The following PSMD7 variants were observed in gnomAD, a reference collection of about 807,000 sequenced individuals.
PSMD7 encodes the protein proteasome 26S subunit, non-ATPase 7.
PSMD7 carries 13 observed loss-of-function variants against 36.4 expected under a neutral mutation model. That is an observed-to-expected ratio of 0.36 (90% CI 0.23 to 0.57). The LOEUF (loss-of-function observed/expected upper bound fraction) is 0.57. Among genes scored for constraint, PSMD7 ranks in the 20% least tolerant of loss-of-function variants. PSMD7 has a pLI of 0.83. For synonymous variants in PSMD7, 186 were observed against 151.0 expected, an observed-to-expected ratio of 1.23 and a Z score of -1.70; for missense variants, 298 against 393.6, an observed-to-expected ratio of 0.76 and a Z score of 2.06.
intron 1 of PSMD7, among the ~76,000 whole-genome samples, chr16:74,298,414 C>T (rs748626060): frequency 6.6e-6 from 1 of 152,124 alleles, no homozygotes; most frequent in Non-Finnish European, 1.5e-5. Context: ...TCCATTCTCC[C>T]GCAACTTGCT....
rs1345126852 is a variant in PSMD7, at chr16:74,306,003, C to A, written c.*270C>A. ...TATGAGAAAAATGAAGAGAAGTCAA[C>A]AAATATTTTGGTACTCTTCATTCAT... is the stretch of plus-strand genomic sequence containing the variant. On this transcript the variant is annotated 3_prime_UTR_variant, in exon 7 of 7. Coordinates refer to ENST00000219313, the MANE Select transcript of PSMD7 (RefSeq NM_002811.5). The A allele has an allele frequency of 3.4e-6, 1 of 292,378 alleles. No individual in the cohort carries two copies. The highest frequency in any genetic ancestry group is 6.3e-6 in the Non-Finnish European group (1 of 159,854). The allele number at this position is 292,378 out of a possible 1,614,324, so 18.1% of individuals were successfully genotyped here.
chr16:74,301,207 G>A lies in PSMD7; in HGVS notation c.259+63G>A, dbSNP rs141293105. The A allele has an allele frequency of 3.8e-3, 4,385 of 1,144,240 alleles. 12 individuals are homozygous for A. The highest frequency in any genetic ancestry group is 5.4e-3 in the Admixed American group (249 of 45,878). The allele number at this position is 1,144,240 out of a possible 1,614,324, so 70.9% of individuals were successfully genotyped here. On this transcript the variant is annotated intron_variant, in intron 3 of 6. Coordinates refer to ENST00000219313, the MANE Select transcript of PSMD7 (RefSeq NM_002811.5). Reference sequence around the variant, plus strand: ...TGAACTGTGTGTATGGGGGTCTTCTGTTCGCTTTTCTTTAACATCAAGGGC... The same window carrying A: ...TGAACTGTGTGTATGGGGGTCTTCTATTCGCTTTTCTTTAACATCAAGGGC...
chr16:74,298,264 C>A lies in PSMD7; in HGVS notation c.74+1276C>A, dbSNP rs1048246219. Reference sequence around the variant, plus strand: ...AAGCTCATTGTTTGAGGGTGTACATCCACCACCTCTTGGCTTTGGAGTTGT... The same window carrying A: ...AAGCTCATTGTTTGAGGGTGTACATACACCACCTCTTGGCTTTGGAGTTGT... On this transcript the variant is annotated intron_variant, in intron 1 of 6. Coordinates refer to ENST00000219313, the MANE Select transcript of PSMD7 (RefSeq NM_002811.5). Among the ~76,000 whole-genome samples, 5 of 151,974 alleles carry A rather than the reference C, an allele frequency of 3.3e-5. No homozygotes were observed. In the Middle Eastern group the frequency reaches 0.01, roughly 312 times the overall value.
At position 74,305,430 on chromosome 16, in the gene PSMD7, C is replaced by G. The variant is rs751806629; in HGVS notation, c.672C>G (p.His224Gln). The change falls in exon 7 of 7, where the codon CAC becomes CAG. Residue 224 changes from histidine (H) to glutamine (Q), a missense_variant. Coordinates refer to ENST00000219313, the MANE Select transcript of PSMD7 (RefSeq NM_002811.5). Reference protein sequence around the residue: ...KVATGKLPINHQIIYQLQDVF... With the variant: ...KVATGKLPINQQIIYQLQDVF... Reference sequence around the variant, plus strand: ...CCACAGGCAAGCTGCCCATCAACCACCAGATCATCTACCAGCTGCAGGACG... The same window carrying G: ...CCACAGGCAAGCTGCCCATCAACCAGCAGATCATCTACCAGCTGCAGGACG... The G allele has an allele frequency of 3.1e-6, 5 of 1,614,224 alleles. No homozygotes were observed. The South Asian group carries it at 5.5e-5, about 18-fold the overall frequency.
At chr16:74,300,312 T>C in intron 2 of PSMD7, 106 bp downstream of exon 2, 1 of 1,012,046 alleles carries the variant, frequency 9.9e-7, no homozygotes, top group Non-Finnish European at 1.5e-6. Context: ...AGAGATTGTC[T>C]TAAAATTGCT....
At position 74,305,614 on chromosome 16, in the gene PSMD7, G is replaced by GAGAAGAAAGAAGGGC; in HGVS notation, c.859_873dup (p.Lys287_Gln291dup). The GAGAAGAAAGAAGGGC allele has an allele frequency of 6.3e-7, 1 of 1,598,134 alleles. No individual in the cohort carries two copies. The highest frequency in any genetic ancestry group is 8.6e-7 in the Non-Finnish European group (1 of 1,167,364). On this transcript the variant is annotated inframe_insertion, in exon 7 of 7. Transcript: ENST00000219313. ...CAACAAGATTGCCAACCGGGATGCA[G>GAGAAGAAAGAAGGGC]AGAAGAAAGAAGGGCAGGAGAAAGA...
intron 5 of PSMD7, 58 bp downstream of exon 5, chr16:74,302,350 T>C: frequency 8.8e-7 from 1 of 1,141,898 alleles, no homozygotes. Context: ...GGTGATTAGC[T>C]TTTTTTTTTC....
chr16:74,304,592 C>T, intron 6 of PSMD7, 198 bp downstream of exon 6: 1 of 492,240 alleles, frequency 2.0e-6, no homozygotes, highest in East Asian at 3.3e-5. Context: ...TGAACTACAT[C>T]AACTGTAAAA....
intron 2 of PSMD7, 170 bp downstream of exon 2, chr16:74,300,376 T>C: frequency 1.6e-6 from 1 of 638,396 alleles, no homozygotes; most frequent in Non-Finnish European, 2.7e-6. Flanking sequence ...CAGTAAATAT[T>C]TTAAACTTGC....
intron 1 of PSMD7, among the ~76,000 whole-genome samples, chr16:74,298,728 G>A (rs1337860912): frequency 6.6e-6 from 1 of 152,008 alleles, no homozygotes; most frequent in African/African-American, 2.4e-5. Context: ...ACAAAAATTA[G>A]CCAGGTGTGG....
At chr16:74,297,024 G>A in intron 1 of PSMD7, 36 bp downstream of exon 1, 3 of 1,596,736 alleles carry the variant, frequency 1.9e-6, no homozygotes, top group Non-Finnish European at 2.6e-6. Flanking sequence ...CGGCGGCGCA[G>A]CCGCTGCTGA....
Position 74,306,006 on chromosome 16 carries a change from A to ATATT in PSMD7, c.*275_*278dup, listed in dbSNP as rs562129392. On this transcript the variant is annotated 3_prime_UTR_variant, in exon 7 of 7. Transcript: ENST00000219313. ...GAGAAAAATGAAGAGAAGTCAACAAATATTTTGGTACTCTTCATTCATTTA... is the reference window on the plus strand; with the variant it reads ...GAGAAAAATGAAGAGAAGTCAACAAATATTTATTTTGGTACTCTTCATTCATTTA... 7.4e-4 allele frequency: 210 copies of ATATT among 284,022 alleles called. No individual in the cohort carries two copies. Among genetic ancestry groups the ATATT allele is most frequent in the African/African-American group, 3.9e-3 (179 of 46,422 alleles). The allele number at this position is 284,022 out of a possible 1,614,324, so 17.6% of individuals were successfully genotyped here.
chr16:74,305,953 G>A lies in PSMD7; in HGVS notation c.*220G>A, dbSNP rs2034193462. Reference sequence around the variant, plus strand: ...TTTCGCTGCTGTGAGTTGGGGATATGATAGTCAGCTCAGGCTTCAGATTGT... The same window carrying A: ...TTTCGCTGCTGTGAGTTGGGGATATAATAGTCAGCTCAGGCTTCAGATTGT... On this transcript the variant is annotated 3_prime_UTR_variant, in exon 7 of 7. Transcript: ENST00000219313. 1 of 393,968 alleles carries A rather than the reference G, an allele frequency of 2.5e-6. No individual in the cohort carries two copies. The highest frequency in any genetic ancestry group is 3.9e-5 in the East Asian group (1 of 25,862). 24.4% of individuals were successfully genotyped at this position (393,968 alleles called of 1,614,324 possible). A position where few individuals can be genotyped will look rare whatever the true frequency, so the allele number is the denominator to read the frequency against.
At position 74,303,797 on chromosome 16, in the gene PSMD7, C is replaced by T. The variant is rs147156243; in HGVS notation, c.439-506C>T. On this transcript the variant is annotated intron_variant, in intron 5 of 6. Coordinates refer to ENST00000219313, the MANE Select transcript of PSMD7 (RefSeq NM_002811.5). ...AGTGCAGTGGCGTGATCTCGACTCA[C>T]TGCACCCTCCACCTCCCAGGTTCAA... Among the ~76,000 whole-genome samples, 339 of 152,002 alleles carry T rather than the reference C, an allele frequency of 2.2e-3. 8 individuals are homozygous for T. In the East Asian group the frequency reaches 0.054, roughly 24 times the overall value.
chr16:74,304,207 G>A, intron 5 of PSMD7, 96 bp from the exon 6 acceptor site: 1 of 1,071,620 alleles, frequency 9.3e-7, no homozygotes, highest in Non-Finnish European at 1.4e-6. Flanking sequence ...CTCATTAAAT[G>A]AGCTGACTTA....
chr16:74,297,221 C>T (rs1597117143), intron 1 of PSMD7, among the ~76,000 whole-genome samples: 1 of 152,250 alleles, frequency 6.6e-6, no homozygotes, highest in Non-Finnish European at 1.5e-5. Flanking sequence ...TCCGTTTAGC[C>T]TGTTTGTTTT....
At chr16:74,303,717 A>G (rs1477640289) in intron 5 of PSMD7, among the ~76,000 whole-genome samples, 32 of 152,068 alleles carry the variant, frequency 2.1e-4, no homozygotes, top group Admixed American at 2.1e-3. Flanking sequence ...CATTCTAGAA[A>G]GAACTATATA....
rs1330913897 is a variant in PSMD7 at position 74,304,368 on chromosome 16, G to A, written c.504G>A (p.Glu168=). ...VTSEIGAEEA[E]EVGVEHLLRD... is the part of the protein sequence containing the mutation. ...GTGAAATTGGAGCAGAGGAAGCTGA[G>A]GAAGTTGGAGTTGAACACTTGTTAC... Residue 168 remains glutamate, a synonymous_variant, in exon 6 of 7, where the codon GAG becomes GAA. Coordinates refer to ENST00000219313, the MANE Select transcript of PSMD7 (RefSeq NM_002811.5). 4 of 1,614,104 alleles carry A rather than the reference G, an allele frequency of 2.5e-6. No individual in the cohort carries two copies. Among genetic ancestry groups the A allele is most frequent in the Non-Finnish European group, 3.4e-6 (4 of 1,179,970 alleles).
intron 4 of PSMD7, among the ~76,000 whole-genome samples, chr16:74,301,932 A>G (rs2034159038): frequency 1.3e-5 from 2 of 152,156 alleles, no homozygotes; most frequent in Non-Finnish European, 2.9e-5. Context: ...ATGGTTAGGA[A>G]GGTCTGGTAA....
Sources: allele counts gnomAD v4.1 joint callset (sites outside exome capture counted in the v4.1 genomes callset), GRCh38; gene constraint gnomAD v4.1.1; transcripts MANE v1.5; gene names NCBI Gene and HGNC (gene_info 2026-07-23, HGNC 2026-07-21).